The following PRH1 variants were observed in gnomAD, a reference collection of about 807,000 sequenced individuals.
PRH1 encodes the protein proline rich protein HaeIII subfamily 1, also known as salivary acidic proline-rich phosphoprotein 1/2.
A neutral mutation model predicts 7.9 loss-of-function variants in PRH1; 7 were observed. That is an observed-to-expected ratio of 0.89 (90% confidence interval 0.50 to 1.67). The LOEUF is 1.67. PRH1 is among the 40% of genes most tolerant of loss of function. The pLI is 0.00. For synonymous variants in PRH1, 45 were observed against 80.8 expected, an observed-to-expected ratio of 0.56 and a Z score of 2.38; for missense variants, 109 against 223.6, an observed-to-expected ratio of 0.49 and a Z score of 3.27.
intron 2 of PRH1, among the ~76,000 whole-genome samples, chr12:10,923,633 G>A (rs1950083077): frequency 6.6e-6 from 1 of 152,186 alleles, no homozygotes; most frequent in Non-Finnish European, 1.5e-5. Context: ...GGCACAAATT[G>A]TCCAAGGGAA....
rs193267831 is a variant in PRH1 at position 11,114,147 on chromosome 12, A to G, written n.123+57275T>C. Among the ~76,000 whole-genome samples the G allele has an allele frequency of 1.2e-3, 189 of 152,292 alleles. 2 individuals carry two copies. Among genetic ancestry groups the G allele is most frequent in the Admixed American group, 5.3e-3 (81 of 15,298 alleles). ...AAATACCATTTGACCCAGCAATCCC[A>G]TTACTGGGTACATACCCAAAGGATT... On this transcript the variant is annotated intron_variant and non_coding_transcript_variant, in intron 1 of 4. Coordinates refer to the PRH1 transcript ENST00000541977.
chr12:10,910,575 G>A (rs550451990), intron 2 of PRH1, among the ~76,000 whole-genome samples: 8 of 152,226 alleles, frequency 5.3e-5, no homozygotes, highest in African/African-American at 1.4e-4. Flanking sequence ...TTGGACTGTG[G>A]TTGACCTTGG....
intron 1 of PRH1, among the ~76,000 whole-genome samples, chr12:11,111,306 T>C (rs887373723): frequency 2.6e-5 from 4 of 152,156 alleles, no homozygotes; most frequent in African/African-American, 4.8e-5. Flanking sequence ...GCTGACCTAA[T>C]AGACATCTAC....
At chr12:11,067,445 T>A (rs76210259) in intron 1 of PRH1, among the ~76,000 whole-genome samples, 1 of 14,988 alleles carries the variant, frequency 6.7e-5, no homozygotes, top group Non-Finnish European at 5.6e-4. Flanking sequence ...AAATTGGAAA[T>A]AAGAAAAAAG....
intron 2 of PRH1, among the ~76,000 whole-genome samples, chr12:10,959,229 A>T (rs1938118162): frequency 6.6e-6 from 1 of 152,166 alleles, no homozygotes; most frequent in South Asian, 2.1e-4. Flanking sequence ...GAAAGACTGT[A>T]GAAGAAACAA....
At position 11,011,980 on chromosome 12, in the gene PRH1, T is replaced by A. The variant is rs974404114; in HGVS notation, c.-126+35040A>T. On this transcript the variant is annotated intron_variant, in intron 1 of 3. Transcript: ENST00000539853. ...AATCATGTTTTCAGCCCATTTTCAA[T>A]ATTTATAAACTTGTGTCTCATGCTT... Among the ~76,000 whole-genome samples, 3 of 152,270 alleles carry A rather than the reference T, an allele frequency of 2.0e-5. No homozygotes were observed. The South Asian group carries it at 6.2e-4, about 32-fold the overall frequency.
intron 1 of PRH1, among the ~76,000 whole-genome samples, chr12:11,005,499 C>T (rs1393643985): frequency 6.6e-6 from 1 of 152,064 alleles, no homozygotes; most frequent in East Asian, 1.9e-4. Context: ...TTTATGTAAA[C>T]AGAATCCAAA....
Position 10,938,178 on chromosome 12 carries a change from A to G in PRH1, c.-59+35477T>C, listed in dbSNP as rs749199764. On this transcript the variant is annotated intron_variant, in intron 2 of 3. Coordinates refer to the PRH1 transcript ENST00000539853. ...TGTAAAATTCACAAAGTTATACACA[A>G]TGAAAGAATCTTAAGGAAGTATAAA... 1.2e-4 allele frequency: 123 copies of G among 1,012,362 alleles called. 1 individual carries two copies. The highest frequency in any genetic ancestry group is 1.4e-4 in the Non-Finnish European group (95 of 697,550). The allele number at this position is 1,012,362 out of a possible 1,614,324, so 62.7% of individuals were successfully genotyped here.
intron 2 of PRH1, chr12:10,930,698 G>A (rs147911411): frequency 7.9e-4 from 1,275 of 1,613,842 alleles, no homozygotes; most frequent in Middle Eastern, 2.5e-3. Flanking sequence ...GATGAGGAGC[G>A]TCAGGGACCA....
intron 1 of PRH1, among the ~76,000 whole-genome samples, chr12:11,030,226 A>AACACAC (rs5796420): frequency 6.8e-5 from 9 of 131,640 alleles, no homozygotes; most frequent in East Asian, 4.7e-4. Flanking sequence ...TACACACATA[A>AACACAC]ACACACACAT....
intron 2 of PRH1, among the ~76,000 whole-genome samples, chr12:10,910,210 T>C (rs192506405): frequency 1.3e-5 from 2 of 152,208 alleles, no homozygotes; most frequent in South Asian, 2.1e-4. Flanking sequence ...AAACTCTATA[T>C]ACAATATATT....
At chr12:11,057,456 T>A (rs1943411142) in intron 1 of PRH1, among the ~76,000 whole-genome samples, 1 of 152,212 alleles carries the variant, frequency 6.6e-6, no homozygotes, top group Admixed American at 6.5e-5. Context: ...CTTCGTGAAC[T>A]GTAGAGTAAG....
chr12:10,982,039 C>T (rs1939383156), intron 1 of PRH1, among the ~76,000 whole-genome samples: 1 of 151,976 alleles, frequency 6.6e-6, no homozygotes, highest in South Asian at 2.1e-4. Flanking sequence ...AGAGCTTTGG[C>T]CCATGTCCAA....
rs1950025047 is a variant in PRH1, at chr12:10,920,045, C to T, written c.-58-35770G>A. ...CTCTGTGTAGCTAAGACTACAGTTG[C>T]CACTATACCCAGCTACTTTTTTGAT... On this transcript the variant is annotated intron_variant, in intron 2 of 3. Coordinates refer to the PRH1 transcript ENST00000539853. 2.0e-5 allele frequency among the ~76,000 whole-genome samples: 3 copies of T among 151,900 alleles called. No homozygotes were observed. In the South Asian group the frequency reaches 6.2e-4, roughly 32 times the overall value.
chr12:11,065,932 G>A (rs1256748725), intron 1 of PRH1, among the ~76,000 whole-genome samples: 4 of 152,158 alleles, frequency 2.6e-5, no homozygotes, highest in Admixed American at 1.3e-4. Flanking sequence ...GGGAAATTCA[G>A]TGAGCAGCAC....
intron 1 of PRH1, among the ~76,000 whole-genome samples, chr12:11,102,113 T>C (rs920276519): frequency 2.6e-5 from 4 of 152,172 alleles, no homozygotes; most frequent in Non-Finnish European, 4.4e-5. Flanking sequence ...ATGGCCATAC[T>C]TCCCAAGGTA....
chr12:10,973,978 G>C (rs7294858), intron 1 of PRH1, among the ~76,000 whole-genome samples: 4 of 151,976 alleles, frequency 2.6e-5, no homozygotes, highest in African/African-American at 7.3e-5. Context: ...AGAACAAAGT[G>C]GGGGGATTAC....
At chr12:11,086,830 T>C (rs1050677310) in intron 1 of PRH1, among the ~76,000 whole-genome samples, 4 of 114,042 alleles carry the variant, frequency 3.5e-5, no homozygotes, top group African/African-American at 8.8e-5. Flanking sequence ...AGAAAAATCA[T>C]TGGAACCCAG....
chr12:10,946,300 C>T (rs1950486123), intron 2 of PRH1, among the ~76,000 whole-genome samples: 1 of 152,166 alleles, frequency 6.6e-6, no homozygotes, highest in Non-Finnish European at 1.5e-5. Flanking sequence ...ATGAAATCTT[C>T]ACAATTTATG....
Sources: gnomAD v4.1 joint callset for allele counts (sites outside exome capture counted in the v4.1 genomes callset) on GRCh38, gnomAD v4.1.1 for gene constraint, MANE v1.5 for transcripts, NCBI Gene and HGNC (gene_info 2026-07-23, HGNC 2026-07-21) for gene names.